Variants in SAMHD1 observed in about 807,000 individuals in gnomAD.
The protein encoded by SAMHD1 is SAM and HD domain containing deoxynucleoside triphosphate triphosphohydrolase 1, also known as deoxynucleoside triphosphate triphosphohydrolase SAMHD1.
Under a neutral mutation model 79.6 loss-of-function variants are expected in SAMHD1, and 54 were observed. The ratio of observed to expected loss-of-function variants is 0.68; its 90% CI spans 0.55 to 0.85. The LOEUF (loss-of-function observed/expected upper bound fraction) is 0.85, where lower values mean the gene tolerates loss of function less well. Among genes scored for constraint, SAMHD1 ranks in the 40% least tolerant of loss-of-function variants. The probability of loss-of-function intolerance (pLI) is 0.00; values close to 1 mark genes in which losing one functional copy is unlikely to be tolerated. For synonymous variants in SAMHD1, 260 were observed against 264.1 expected (o/e 0.98, Z 0.15); for missense variants, 663 against 782.7 (o/e 0.85, Z 1.82).
In SAMHD1 at chr20:36,941,055, T is replaced by C. The variant is rs2063640730; in HGVS notation, c.332A>G (p.His111Arg). The C allele has an allele frequency of 6.2e-7, 1 of 1,613,134 alleles. No homozygotes were observed. Among genetic ancestry groups the C allele is most frequent in the South Asian group, 1.1e-5 (1 of 91,072 alleles). The change falls in exon 3 of 16, where the codon CAC (histidine) becomes CGC (arginine). Residue 111 changes from histidine (H) to arginine (R), a missense_variant. Transcript: ENST00000646673. ...TCCTCTTACCTTCATTGTATCAACG[T>C]GGATTTGAACCAATCGCTGGATATA... Reference protein sequence around the residue: ...LSYIQRLVQIHVDTMKVINDP... With the variant: ...LSYIQRLVQIRVDTMKVINDP...
intron 11 of SAMHD1, among the ~76,000 whole-genome samples, chr20:36,909,680 CAAAAAAAAA>C (rs56389967): frequency 1.7e-5 from 2 of 121,212 alleles, no homozygotes; most frequent in East Asian, 4.9e-4. Flanking sequence ...CACCCCCCTC[CAAAAAAAAA>C]AAAAAAAAAA....
chr20:36,912,963 T>C (rs1392646534), intron 9 of SAMHD1, among the ~76,000 whole-genome samples: 2 of 139,194 alleles, frequency 1.4e-5, no homozygotes, highest in Admixed American at 1.5e-4. Flanking sequence ...AAGTCCTTCA[T>C]TGCAAGAACT....
intron 14 of SAMHD1, among the ~76,000 whole-genome samples, chr20:36,898,193 A>G (rs904855011): frequency 3.9e-5 from 6 of 152,016 alleles, no homozygotes; most frequent in Non-Finnish European, 8.8e-5. Flanking sequence ...TACCATGCCT[A>G]AGTTTTTTAT....
chr20:36,890,396 C>CCCTTTTTCTTTCTTTCTTTCTTTCTT lies in SAMHD1; in HGVS notation c.*2535_*2536insAAGAAAGAAAGAAAGAAAGAAAAAGG. 7.0e-6 allele frequency: 1 copy of CCCTTTTTCTTTCTTTCTTTCTTTCTT among 142,450 alleles called. No individual in the cohort carries two copies. Among genetic ancestry groups the CCCTTTTTCTTTCTTTCTTTCTTTCTT allele is most frequent in the East Asian group, 2.1e-4 (1 of 4,722 alleles). The allele number at this position is 142,450 out of a possible 1,614,324, so 8.8% of individuals were successfully genotyped here. On this transcript the variant is annotated 3_prime_UTR_variant, in exon 16 of 16. Transcript: ENST00000646673. Reference sequence around the variant, plus strand: ...ATACAAATAGCAAAGATATTTCTTTCTCTTTCTTTCTTTCTTTCTTTCTTT... The same window carrying CCCTTTTTCTTTCTTTCTTTCTTTCTT: ...ATACAAATAGCAAAGATATTTCTTTCCCTTTTTCTTTCTTTCTTTCTTTCTTTCTTTCTTTCTTTCTTTCTTTCTTT...
chr20:36,895,082 G>A (rs1293413381), intron 15 of SAMHD1, among the ~76,000 whole-genome samples: 1 of 151,952 alleles, frequency 6.6e-6, no homozygotes, highest in East Asian at 1.9e-4. Flanking sequence ...TTCAGTTCTA[G>A]TGAATTTTAT....
chr20:36,937,313 C>T (rs1405314878), intron 3 of SAMHD1, among the ~76,000 whole-genome samples: 1 of 151,880 alleles, frequency 6.6e-6, no homozygotes, highest in East Asian at 1.9e-4. Flanking sequence ...TTGGGTTCGG[C>T]AATGGTTTCT....
At chr20:36,945,438 T>C (rs973224144) in intron 2 of SAMHD1, among the ~76,000 whole-genome samples, 8 of 152,180 alleles carry the variant, frequency 5.3e-5, no homozygotes, top group African/African-American at 1.9e-4. Flanking sequence ...ATGCTCAAGA[T>C]AGGGGTGTAG....
At chr20:36,942,382 C>T (rs1032674262) in intron 2 of SAMHD1, among the ~76,000 whole-genome samples, 1 of 152,254 alleles carries the variant, frequency 6.6e-6, no homozygotes, top group Non-Finnish European at 1.5e-5. Context: ...GGCGCCATTG[C>T]ACTCCAGCCT....
chr20:36,937,394 A>G (rs1156659448), intron 3 of SAMHD1, among the ~76,000 whole-genome samples: 1 of 152,196 alleles, frequency 6.6e-6, no homozygotes, highest in African/African-American at 2.4e-5. Context: ...TAAAAACTTA[A>G]AACTTTTGTG....
chr20:36,916,638 A>G (rs1310951172), intron 9 of SAMHD1, 84 bp downstream of exon 9: 2 of 957,736 alleles, frequency 2.1e-6, no homozygotes, highest in African/African-American at 1.6e-5. Context: ...CGATTTACCA[A>G]TTATTCCAAA....
intron 12 of SAMHD1, chr20:36,904,476 T>C: frequency 2.1e-6 from 1 of 473,148 alleles, no homozygotes; most frequent in Non-Finnish European, 3.9e-6. Context: ...CCCAGCACTT[T>C]GGGAGGCCCA....
Position 36,946,744 on chromosome 20 carries a change from C to G in SAMHD1, c.269G>C (p.Gly90Ala). Residue 90 changes from glycine (G) to alanine (A), a missense_variant, in exon 2 of 16, where the codon GGA becomes GCA. Gly to Ala is a moderately conservative substitution (Grantham distance 60). Transcript: ENST00000646673. ...TTTATTTCTTCATTCTTACCTTACTCCAAGATTTTCAAAACGAGACTCATC... is the reference window on the plus strand; with the variant it reads ...TTTATTTCTTCATTCTTACCTTACTGCAAGATTTTCAAAACGAGACTCATC... The part of the protein sequence containing the change: ...CLDESRFENL[G>A]VSSLGERKKL... 1 of 1,611,298 alleles carries G rather than the reference C, an allele frequency of 6.2e-7. No homozygotes were observed. The highest frequency in any genetic ancestry group is 8.5e-7 in the Non-Finnish European group (1 of 1,177,856).
At chr20:36,928,155 G>A (rs1392910184) in intron 5 of SAMHD1, among the ~76,000 whole-genome samples, 3 of 152,146 alleles carry the variant, frequency 2.0e-5, no homozygotes, top group African/African-American at 4.8e-5. Flanking sequence ...GGGAGGCTGA[G>A]GTGGGTGGAT....
In SAMHD1 at chr20:36,935,509, A is replaced by T. The variant is rs2063597395; in HGVS notation, c.349-320T>A. On this transcript the variant is annotated intron_variant, in intron 3 of 15. Coordinates refer to ENST00000646673, the MANE Select transcript of SAMHD1 (RefSeq NM_015474.4). Reference sequence around the variant, plus strand: ...GTATTCAAGTTAAACATGCATATTCATTTCGATTTAAACACATTCATCCAC... The same window carrying T: ...GTATTCAAGTTAAACATGCATATTCTTTTCGATTTAAACACATTCATCCAC... 8.4e-6 allele frequency: 3 copies of T among 357,148 alleles called. No homozygotes were observed. In the Admixed American group the frequency reaches 1.3e-4, roughly 15 times the overall value. 22.1% of individuals were successfully genotyped at this position (357,148 alleles called of 1,614,324 possible). A position where few individuals can be genotyped will look rare whatever the true frequency, so the allele number is the denominator to read the frequency against.
At position 36,897,943 on chromosome 20, in the gene SAMHD1, G is replaced by C; in HGVS notation, c.1625C>G (p.Pro542Arg). ...AATCAGCTGCTCTGCAAATTTCTCT[G>C]GCAGAAGTTGTGAAACCTTTTTAAA... ...ITKNQVSQLLPEKFAEQLIRV... is the reference protein window; with the variant it reads ...ITKNQVSQLLREKFAEQLIRV... Residue 542 changes from proline (P) to arginine (R), a missense_variant, in exon 15 of 16, where the codon CCA becomes CGA. Physicochemically the swap from Pro to Arg is moderately radical, Grantham distance 103. Transcript: ENST00000646673. 1 of 1,614,136 alleles carries C rather than the reference G, an allele frequency of 6.2e-7. No individual in the cohort carries two copies. The highest frequency in any genetic ancestry group is 8.5e-7 in the Non-Finnish European group (1 of 1,180,044).
intron 11 of SAMHD1, among the ~76,000 whole-genome samples, chr20:36,910,575 C>G (rs377082942): frequency 2.6e-5 from 4 of 151,506 alleles, no homozygotes; most frequent in Admixed American, 1.3e-4. Flanking sequence ...ACTAAAAATA[C>G]AAAAATTAGC....
At chr20:36,934,233 C>G (rs1019158834) in intron 4 of SAMHD1, among the ~76,000 whole-genome samples, 1 of 151,350 alleles carries the variant, frequency 6.6e-6, no homozygotes, top group East Asian at 2.0e-4. Context: ...AATAAAAAGC[C>G]TCAATTTTGG....
rs144390423 is a variant in SAMHD1 at position 36,939,368 on chromosome 20, G to T, written c.348+1671C>A. ...AACACTTTGGGAGGCCAAGGCAGACGGATCACATGAGGTCAGGAGTTCGAG... is the reference window on the plus strand; with the variant it reads ...AACACTTTGGGAGGCCAAGGCAGACTGATCACATGAGGTCAGGAGTTCGAG... On this transcript the variant is annotated intron_variant, in intron 3 of 15. Coordinates refer to ENST00000646673, the MANE Select transcript of SAMHD1 (RefSeq NM_015474.4). Among the ~76,000 whole-genome samples the T allele has an allele frequency of 4.7e-4, 72 of 151,960 alleles. 1 individual carries two copies. The East Asian group carries it at 0.013, about 28-fold the overall frequency.
chr20:36,931,264 C>G (rs751058192), intron 4 of SAMHD1, among the ~76,000 whole-genome samples: 1 of 152,190 alleles, frequency 6.6e-6, no homozygotes, highest in Non-Finnish European at 1.5e-5. Context: ...GGGTGCTCCA[C>G]AAAAATTAAA....
Sources: gnomAD v4.1 joint callset for allele counts (sites outside exome capture counted in the v4.1 genomes callset) on GRCh38, gnomAD v4.1.1 for gene constraint, MANE v1.5 for transcripts, NCBI Gene and HGNC (gene_info 2026-07-23, HGNC 2026-07-21) for gene names.